The following SLC26A2 variants were observed in gnomAD, a reference collection of about 807,000 sequenced individuals.
SLC26A2 encodes solute carrier family 26 member 2, also known as sulfate transporter.
SLC26A2 carries 36 observed loss-of-function variants against 41.1 expected under a neutral mutation model. That is an observed-to-expected ratio of 0.88 (90% CI 0.67 to 1.16). SLC26A2 has a LOEUF of 1.16. Ranked by LOEUF, SLC26A2 falls within the 50% of genes most tolerant of loss-of-function variation. SLC26A2 has a pLI of 0.00. For synonymous variants in SLC26A2, 291 were observed against 311.6 expected, an observed-to-expected ratio of 0.93 and a Z score of 0.70; for missense variants, 796 against 869.6, an observed-to-expected ratio of 0.92 and a Z score of 1.07.
Position 149,980,519 on chromosome 5 carries a change from T to C in SLC26A2, c.926T>C (p.Leu309Pro). The C allele has an allele frequency of 6.2e-7, 1 of 1,614,168 alleles. No individual in the cohort carries two copies. Among genetic ancestry groups the C allele is most frequent in the South Asian group, 1.1e-5 (1 of 91,088 alleles). ...KTNLCDLITS[L>P]LCLLVLLPTK... ...AATCTCTGTGATCTTATCACCAGCC[T>C]TTTGTGCCTTTTGGTTCTTTTGCCA... is the stretch of plus-strand genomic sequence containing the variant. Residue 309 changes from leucine to proline, a missense_variant, in exon 3 of 3, where the codon CTT becomes CCT. Coordinates refer to ENST00000286298, the MANE Select transcript of SLC26A2 (RefSeq NM_000112.4).
rs1026387884 is a variant in SLC26A2, at chr5:149,985,166, G to A, written c.*3353G>A. The A allele has an allele frequency of 6.6e-5, 10 of 152,344 alleles. No homozygotes were observed. Among genetic ancestry groups the A allele is most frequent in the Admixed American group, 5.9e-4 (9 of 15,296 alleles). 9.4% of individuals were successfully genotyped at this position (152,344 alleles called of 1,614,324 possible). On this transcript the variant is annotated 3_prime_UTR_variant, in exon 3 of 3. Coordinates refer to ENST00000286298, the MANE Select transcript of SLC26A2 (RefSeq NM_000112.4). ...CTTTCTAGAAGGGGAGGGTCACAGGGTCACAGATTCACCAAAGCTGAAAGG... is the reference window on the plus strand; with the variant it reads ...CTTTCTAGAAGGGGAGGGTCACAGGATCACAGATTCACCAAAGCTGAAAGG...
At chr5:149,970,712 A>G (rs1014046588) in intron 1 of SLC26A2, among the ~76,000 whole-genome samples, 4 of 152,174 alleles carry the variant, frequency 2.6e-5, no homozygotes, top group Non-Finnish European at 5.9e-5. Flanking sequence ...CTTGCAGGCT[A>G]TTAGAGTATT....
chr5:149,980,211 C>T, intron 2 of SLC26A2, 82 bp from the exon 3 acceptor site: 1 of 1,046,094 alleles, frequency 9.6e-7, no homozygotes, highest in Non-Finnish European at 1.5e-6. Flanking sequence ...TGATATGTCT[C>T]CATGCAAGAA....
In SLC26A2 at chr5:149,981,675, A is replaced by G. The variant is rs1173542077; in HGVS notation, c.2082A>G (p.Leu694=). Residue 694 remains leucine (L), a synonymous_variant, in exon 3 of 3, where the codon CTA becomes CTG. Coordinates refer to ENST00000286298, the MANE Select transcript of SLC26A2 (RefSeq NM_000112.4). ...AQCNPTVRDS[L]TNGEYCKKEE... is the part of the protein sequence containing the mutation. ...GCAATCCCACTGTGAGGGATTCCCT[A>G]ACCAACGGAGAATATTGCAAAAAGG... 6.2e-7 allele frequency: 1 copy of G among 1,613,354 alleles called. No homozygotes were observed. Among genetic ancestry groups the G allele is most frequent in the South Asian group, 1.1e-5 (1 of 90,956 alleles).
rs61732052 is a variant in SLC26A2, at chr5:149,981,813, A to G, written c.2220A>G (p.Ter740=). 3,818 of 1,603,716 alleles carry G rather than the reference A, an allele frequency of 2.4e-3. 73 individuals carry two copies. The African/African-American group carries it at 0.045, about 19-fold the overall frequency. Residue 740 remains the stop codon, a stop_retained_variant, in exon 3 of 3, where the codon TAA becomes TAG. Coordinates refer to ENST00000286298, the MANE Select transcript of SLC26A2 (RefSeq NM_000112.4). ...ATGGTCTGAGTCTTAGTAGTGATTAATTGAGAAGGTAGATAGAAGAATGTC... is the reference window on the plus strand; with the variant it reads ...ATGGTCTGAGTCTTAGTAGTGATTAGTTGAGAAGGTAGATAGAAGAATGTC... ...VPNGLSLSSD[*]
Position 149,981,146 on chromosome 5 carries a change from C to G in SLC26A2, c.1553C>G (p.Thr518Ser). The change falls in exon 3 of 3, where the codon ACT (threonine) becomes AGT (serine). Residue 518 changes from threonine to serine, a missense_variant. Transcript: ENST00000286298. ...SRMDTVIWFVTMLSSALLSTE... is the reference protein window; with the variant it reads ...SRMDTVIWFVSMLSSALLSTE... ...ATGGATACAGTTATCTGGTTTGTTA[C>G]TATGCTGTCCTCTGCACTGCTAAGT... 2 of 1,614,136 alleles carry G rather than the reference C, an allele frequency of 1.2e-6. No homozygotes were observed. The highest frequency in any genetic ancestry group is 1.7e-6 in the Non-Finnish European group (2 of 1,180,004).
rs1561827152 is a variant in SLC26A2 at position 149,985,087 on chromosome 5, A to G, written c.*3274A>G. 1 of 152,208 alleles carries G rather than the reference A, an allele frequency of 6.6e-6. No individual in the cohort carries two copies. The highest frequency in any genetic ancestry group is 1.5e-5 in the Non-Finnish European group (1 of 68,052). 9.4% of individuals were successfully genotyped at this position (152,208 alleles called of 1,614,324 possible). A position where few individuals can be genotyped will look rare whatever the true frequency, so the allele number is the denominator to read the frequency against. ...AGCCTCTACACAATAATAGGGAGAC[A>G]AGGATTAGGAGCCATACCTCCCAGA... is the stretch of plus-strand genomic sequence containing the variant. On this transcript the variant is annotated 3_prime_UTR_variant, in exon 3 of 3. Transcript: ENST00000286298.
Position 149,984,234 on chromosome 5 carries a change from A to G in SLC26A2, c.*2421A>G, listed in dbSNP as rs1755154385. 6.6e-6 allele frequency: 1 copy of G among 152,220 alleles called. No individual in the cohort carries two copies. The highest frequency in any genetic ancestry group is 2.1e-4 in the South Asian group (1 of 4,838). The allele number at this position is 152,220 out of a possible 1,614,324, so 9.4% of individuals were successfully genotyped here. On this transcript the variant is annotated 3_prime_UTR_variant, in exon 3 of 3. Transcript: ENST00000286298. ...GTAGCCATCTGTAGAAACATTTAAGATGTCACTAGAATTTACATTTCATCC... is the reference window on the plus strand; with the variant it reads ...GTAGCCATCTGTAGAAACATTTAAGGTGTCACTAGAATTTACATTTCATCC...
chr5:149,966,464 C>A (rs141917917), intron 1 of SLC26A2, among the ~76,000 whole-genome samples: 2 of 152,200 alleles, frequency 1.3e-5, no homozygotes, highest in Non-Finnish European at 1.5e-5. Context: ...CACACATACA[C>A]AAACATGCAT....
At chr5:149,970,632 C>T (rs914098092) in intron 1 of SLC26A2, among the ~76,000 whole-genome samples, 4 of 152,166 alleles carry the variant, frequency 2.6e-5, no homozygotes, top group Non-Finnish European at 5.9e-5. Context: ...ATGGAATCAA[C>T]TTGGCATGTT....
At position 149,982,125 on chromosome 5, in the gene SLC26A2, G is replaced by T. The variant is rs552562764; in HGVS notation, c.*312G>T. 1 of 294,096 alleles carries T rather than the reference G, an allele frequency of 3.4e-6. No homozygotes were observed. The allele number at this position is 294,096 out of a possible 1,614,324, so 18.2% of individuals were successfully genotyped here. On this transcript the variant is annotated 3_prime_UTR_variant, in exon 3 of 3. Transcript: ENST00000286298. ...ACTTAATTACTCTCCTGTTTTAGGG[G>T]TTATACATTTGGACTGTGCATTCTC...
At chr5:149,968,073 A>G (rs1754836996) in intron 1 of SLC26A2, among the ~76,000 whole-genome samples, 1 of 148,050 alleles carries the variant, frequency 6.8e-6, no homozygotes, top group South Asian at 2.1e-4. Flanking sequence ...AGTTTCCTCC[A>G]TGTTGTAGAT....
intron 2 of SLC26A2, 21 bp from the exon 3 acceptor site, chr5:149,980,268 AACAC>A: frequency 6.3e-7 from 1 of 1,586,920 alleles, no homozygotes; most frequent in South Asian, 1.1e-5. Flanking sequence ...ATTTATATTT[AACAC>A]TTCTATATCC....
chr5:149,974,787 G>A (rs923025342), intron 1 of SLC26A2, among the ~76,000 whole-genome samples: 5 of 146,144 alleles, frequency 3.4e-5, no homozygotes, highest in South Asian at 2.2e-4. Flanking sequence ...GTGCAATGGC[G>A]TGATCTCGGC....
At position 149,977,771 on chromosome 5, in the gene SLC26A2, A is replaced by G. The variant is rs780672012; in HGVS notation, c.119A>G (p.Lys40Arg). 1.2e-6 allele frequency: 2 copies of G among 1,614,032 alleles called. No individual in the cohort carries two copies. The highest frequency in any genetic ancestry group is 2.2e-5 in the East Asian group (1 of 44,882). ...ELQRESSTDF[K>R]QFETNDQCRP... ...CAAAGGGAATCAAGTACTGACTTCAAGCAATTTGAGACCAATGATCAATGC... is the reference window on the plus strand; with the variant it reads ...CAAAGGGAATCAAGTACTGACTTCAGGCAATTTGAGACCAATGATCAATGC... Residue 40 changes from lysine to arginine, a missense_variant, in exon 2 of 3, where the codon AAG becomes AGG. Coordinates refer to ENST00000286298, the MANE Select transcript of SLC26A2 (RefSeq NM_000112.4).
In SLC26A2 at chr5:149,984,849, C is replaced by CGT. The variant is rs1435958721; in HGVS notation, c.*3037_*3038dup. ...TCATAAAATGGTTATTTAATTGAAA[C>CGT]GTAGTGTGGTATACTCTTGATGGTT... is the stretch of plus-strand genomic sequence containing the variant. On this transcript the variant is annotated 3_prime_UTR_variant, in exon 3 of 3. Transcript: ENST00000286298. 1 of 152,058 alleles carries CGT rather than the reference C, an allele frequency of 6.6e-6. No individual in the cohort carries two copies. The highest frequency in any genetic ancestry group is 2.4e-5 in the African/African-American group (1 of 41,382). 9.4% of individuals were successfully genotyped at this position (152,058 alleles called of 1,614,324 possible).
intron 1 of SLC26A2, among the ~76,000 whole-genome samples, chr5:149,976,749 A>T (rs1296284040): frequency 6.6e-6 from 1 of 152,184 alleles, no homozygotes; most frequent in Non-Finnish European, 1.5e-5. Context: ...GAGATGAAGG[A>T]TCACCTGTAT....
rs1439514460 is a variant in SLC26A2 at position 149,963,738 on chromosome 5, C to T, written c.-26+2759C>T. On this transcript the variant is annotated intron_variant, in intron 1 of 2. Coordinates refer to ENST00000286298, the MANE Select transcript of SLC26A2 (RefSeq NM_000112.4). ...CCTGCTATTTTGCATATTTGTTTAA[C>T]TTTTTTTTTTTTTTTTTTTTTTTTG... Among the ~76,000 whole-genome samples, 5 of 78,242 alleles carry T rather than the reference C, an allele frequency of 6.4e-5. No individual in the cohort carries two copies. The South Asian group carries it at 1.4e-3, about 23-fold the overall frequency. The allele number at this position is 78,242 out of a possible 152,430, so 51.3% of individuals were successfully genotyped here.
intron 1 of SLC26A2, among the ~76,000 whole-genome samples, chr5:149,967,029 C>T (rs905669814): frequency 2.6e-5 from 4 of 152,034 alleles, no homozygotes; most frequent in Admixed American, 1.3e-4. Flanking sequence ...CTGGGCACAG[C>T]GGCGTGTGTC....
Sources: gnomAD v4.1 joint callset for allele counts (sites outside exome capture counted in the v4.1 genomes callset) on GRCh38, gnomAD v4.1.1 for gene constraint, MANE v1.5 for transcripts, NCBI Gene and HGNC (gene_info 2026-07-23, HGNC 2026-07-21) for gene names.